Variants in SUPT5H observed in about 807,000 individuals in gnomAD.
The protein encoded by SUPT5H is transcription elongation factor SPT5.
Under a neutral mutation model 142.5 loss-of-function variants are expected in SUPT5H, and 24 were observed. The observed-to-expected ratio is 0.17, with a 90% CI of 0.12 to 0.24. The LOEUF is 0.24. Among genes scored for constraint, SUPT5H ranks in the 10% least tolerant of loss-of-function variants. The pLI is 1.00. For missense variants in SUPT5H, 893 were observed against 1,471.8 expected, an observed-to-expected ratio of 0.61 and a Z score of 6.43; for synonymous variants, 546 against 553.0, an observed-to-expected ratio of 0.99 and a Z score of 0.18.
In SUPT5H at chr19:39,472,508, G is replaced by C. The variant is rs200071749; in HGVS notation, c.2035+15G>C. The C allele has an allele frequency of 8.4e-5, 135 of 1,613,444 alleles. No individual in the cohort carries two copies. The highest frequency in any genetic ancestry group is 1.6e-4 in the Middle Eastern group (1 of 6,080). On this transcript the variant is annotated intron_variant, in intron 21 of 29. Transcript: ENST00000432763. This position sits in a 1 kb window ranked among gnomAD's most constrained non-coding sequence, Gnocchi z 4.2. Reference sequence around the variant, plus strand: ...CAGTGCTGGAGGTGAGAGGGGTTCAGGGTCAGGGGATGTGGTGGGTAGAAG... The same window carrying C: ...CAGTGCTGGAGGTGAGAGGGGTTCACGGTCAGGGGATGTGGTGGGTAGAAG...
At chr19:39,468,968 G>C in intron 14 of SUPT5H, 107 bp downstream of exon 14, 1 of 1,553,678 alleles carries the variant, frequency 6.4e-7, no homozygotes, top group Non-Finnish European at 8.9e-7. Flanking sequence ...CTCAAGTTAG[G>C]AGTGTTCCCT....
At chr19:39,460,398 C>A (rs1300142211) in intron 10 of SUPT5H, among the ~76,000 whole-genome samples, 2 of 152,212 alleles carry the variant, frequency 1.3e-5, no homozygotes, top group Non-Finnish European at 2.9e-5. Flanking sequence ...GATGCACCTA[C>A]TTCCCCTCTC....
chr19:39,458,489 GGGA>G lies in SUPT5H; in HGVS notation c.319+185_319+187del. The G allele has an allele frequency of 9.1e-7, 1 of 1,098,722 alleles. No homozygotes were observed. Among genetic ancestry groups the G allele is most frequent in the Non-Finnish European group, 1.3e-6 (1 of 765,252 alleles). The allele number at this position is 1,098,722 out of a possible 1,614,324, so 68.1% of individuals were successfully genotyped here. A position where few individuals can be genotyped will look rare whatever the true frequency, so the allele number is the denominator to read the frequency against. ...CCAGGTATACCCCAGTTGTTGACCT[GGGA>G]AAGCACGGATGTGTCTGTCTGGGAC... On this transcript the variant is annotated intron_variant, in intron 5 of 29. Coordinates refer to ENST00000432763, the MANE Select transcript of SUPT5H (RefSeq NM_001111020.3). This position sits in a 1 kb window ranked among gnomAD's most constrained non-coding sequence, Gnocchi z 4.2.
At position 39,473,148 on chromosome 19, in the gene SUPT5H, G is replaced by A. The variant is rs761966671; in HGVS notation, c.2258+34G>A. On this transcript the variant is annotated intron_variant, in intron 23 of 29. Coordinates refer to ENST00000432763, the MANE Select transcript of SUPT5H (RefSeq NM_001111020.3). The surrounding 1 kb of genome is among the most constrained non-coding windows in gnomAD (Gnocchi z 5.8). ...GGGGCCTGGGGAGGGCCAGGGTGGGGCTTGCTAGGCAGTGAGAGGGGTCTG... is the reference window on the plus strand; with the variant it reads ...GGGGCCTGGGGAGGGCCAGGGTGGGACTTGCTAGGCAGTGAGAGGGGTCTG... The A allele has an allele frequency of 4.3e-6, 7 of 1,611,088 alleles. No individual in the cohort carries two copies. Among genetic ancestry groups the A allele is most frequent in the South Asian group, 2.2e-5 (2 of 91,072 alleles).
At position 39,473,113 on chromosome 19, in the gene SUPT5H, G is replaced by A. The variant is rs768271888; in HGVS notation, c.2257G>A (p.Val753Met). The A allele has an allele frequency of 1.5e-5, 25 of 1,613,090 alleles. No homozygotes were observed. The highest frequency in any genetic ancestry group is 2.2e-5 in the East Asian group (1 of 44,890). Residue 753 changes from valine (V) to methionine (M), a missense_variant and splice_region_variant, in exon 23 of 30, where the codon GTG becomes ATG. Physicochemically the swap from Val to Met is conservative, Grantham distance 21. Transcript: ENST00000432763. The surrounding 1 kb of genome is among the most constrained non-coding windows in gnomAD (Gnocchi z 5.8). ...ISVDRQRLTT[V>M]GSRRPGGMTS... ...TGTGGACCGTCAGCGGCTCACCACG[G>A]TGTACGGGCGGGGCCTGGGGAGGGC...
At chr19:39,449,646 GGT>G (rs2078996077) in intron 2 of SUPT5H, among the ~76,000 whole-genome samples, 1 of 149,768 alleles carries the variant, frequency 6.7e-6, no homozygotes. Flanking sequence ...AGGTTAGTTT[GGT>G]TTTTTTTTTT....
rs2079121714 is a variant in SUPT5H at position 39,458,554 on chromosome 19, G to A, written c.319+249G>A. 5 of 782,266 alleles carry A rather than the reference G, an allele frequency of 6.4e-6. No homozygotes were observed. Among genetic ancestry groups the A allele is most frequent in the East Asian group, 5.1e-5 (2 of 39,250 alleles). 48.5% of individuals were successfully genotyped at this position (782,266 alleles called of 1,614,324 possible). A position where few individuals can be genotyped will look rare whatever the true frequency, so the allele number is the denominator to read the frequency against. The stretch of plus-strand genomic sequence containing the variant: ...GGGTGGTAGCGATGTGTGGGGTGGG[G>A]TGCAGTCCAGGGTGTGCCTGGACTT... On this transcript the variant is annotated intron_variant, in intron 5 of 29. Coordinates refer to ENST00000432763, the MANE Select transcript of SUPT5H (RefSeq NM_001111020.3). The surrounding 1 kb of genome is among the most constrained non-coding windows in gnomAD (Gnocchi z 4.2).
At chr19:39,454,546 G>A (rs1600700023) in intron 3 of SUPT5H, among the ~76,000 whole-genome samples, 1 of 151,548 alleles carries the variant, frequency 6.6e-6, no homozygotes, top group South Asian at 2.1e-4. Flanking sequence ...GGGTTTCACT[G>A]TGTTAGGATG....
At chr19:39,446,175 A>C (rs1437382214) in intron 2 of SUPT5H, among the ~76,000 whole-genome samples, 1 of 152,148 alleles carries the variant, frequency 6.6e-6, no homozygotes, top group Non-Finnish European at 1.5e-5. Context: ...GTGAGATAAC[A>C]GGTGATGTTT....
At chr19:39,463,111 C>T (rs1404649600) in intron 10 of SUPT5H, among the ~76,000 whole-genome samples, 1 of 151,584 alleles carries the variant, frequency 6.6e-6, no homozygotes, top group Non-Finnish European at 1.5e-5. Context: ...ACCCCTCAGC[C>T]TCCCAAAGTG....
Position 39,473,533 on chromosome 19 carries a change from G to GT in SUPT5H, c.2492+14dup, listed in dbSNP as rs1487597080. ...AACACGCCGTCACGGTGAGTCCAGG[G>GT]TTCCCCAGGTTCTGGTGTGTGCTGG... On this transcript the variant is annotated intron_variant, in intron 25 of 29. Transcript: ENST00000432763. This position sits in a 1 kb window ranked among gnomAD's most constrained non-coding sequence, Gnocchi z 5.8. 6.2e-7 allele frequency: 1 copy of GT among 1,605,314 alleles called. No individual in the cohort carries two copies. Among genetic ancestry groups the GT allele is most frequent in the Non-Finnish European group, 8.5e-7 (1 of 1,178,862 alleles).
rs1227782296 is a variant in SUPT5H at position 39,473,993 on chromosome 19, T to C, written c.2523T>C (p.Asp841=). The C allele has an allele frequency of 2.6e-5, 42 of 1,613,936 alleles. No homozygotes were observed. Among genetic ancestry groups the C allele is most frequent in the Non-Finnish European group, 3.4e-5 (40 of 1,179,964 alleles). The change falls in exon 26 of 30, where the codon GAT becomes GAC. Residue 841 remains aspartate (D), a synonymous_variant. Transcript: ENST00000432763. This position sits in a 1 kb window ranked among gnomAD's most constrained non-coding sequence, Gnocchi z 5.8. ...AGGAAGAATATGAGTATGCTTTCGA[T>C]GATGAGCCCACCCCGTCCCCGCAGG... ...RAEEEYEYAF[D]DEPTPSPQAY... is the part of the protein sequence containing the mutation.
intron 2 of SUPT5H, among the ~76,000 whole-genome samples, chr19:39,449,411 AG>A (rs543157844): frequency 2.0e-5 from 3 of 152,288 alleles, no homozygotes; most frequent in Admixed American, 2.0e-4. Flanking sequence ...ATCGTGGGCT[AG>A]TCGAGATTTG....
In SUPT5H at chr19:39,466,903, G is replaced by T; in HGVS notation, c.1037+158G>T. 1.5e-6 allele frequency: 1 copy of T among 667,260 alleles called. No individual in the cohort carries two copies. Among genetic ancestry groups the T allele is most frequent in the Non-Finnish European group, 2.6e-6 (1 of 382,592 alleles). 41.3% of individuals were successfully genotyped at this position (667,260 alleles called of 1,614,324 possible). The stretch of plus-strand genomic sequence containing the variant: ...CTCAGGCAAGTCACTTCACATCCCT[G>T]TGCCTCAGTTTCTTCTGCTATAAAG... On this transcript the variant is annotated intron_variant, in intron 13 of 29. Transcript: ENST00000432763. This position sits in a 1 kb window ranked among gnomAD's most constrained non-coding sequence, Gnocchi z 4.3.
rs1481436958 is a variant in SUPT5H, at chr19:39,472,427, T to C, written c.1969T>C (p.Phe657Leu). Residue 657 changes from phenylalanine to leucine, a missense_variant, in exon 21 of 30, where the codon TTC becomes CTC. Phe to Leu is a conservative substitution (Grantham distance 22, BLOSUM62 0). This residue lies in a region of SUPT5H where 428 missense variants were observed against 763.5 expected (regional missense o/e 0.56). Coordinates refer to ENST00000432763, the MANE Select transcript of SUPT5H (RefSeq NM_001111020.3). The surrounding 1 kb of genome is among the most constrained non-coding windows in gnomAD (Gnocchi z 4.2). ...ATCCTAGCCCCGTGATGTGACCAAC[T>C]TCACCGTGGGTGGCTTTGCGCCTAT... ...GGSKPRDVTN[F>L]TVGGFAPMSP... The C allele has an allele frequency of 6.2e-7, 1 of 1,614,048 alleles. No homozygotes were observed. Among genetic ancestry groups the C allele is most frequent in the Non-Finnish European group, 8.5e-7 (1 of 1,179,966 alleles).
chr19:39,459,787 C>G (rs1741375720), intron 9 of SUPT5H, 105 bp from the exon 10 acceptor site: 2 of 1,371,184 alleles, frequency 1.5e-6, no homozygotes, highest in Non-Finnish European at 2.1e-6. Flanking sequence ...TTTCTCTCTC[C>G]TCTCTTGGTC....
intron 10 of SUPT5H, among the ~76,000 whole-genome samples, chr19:39,461,342 C>T (rs2079158652): frequency 1.3e-5 from 2 of 151,790 alleles, no homozygotes; most frequent in Admixed American, 6.6e-5. Flanking sequence ...ATAAGTGTCC[C>T]TGCCTGTCAT....
Position 39,469,246 on chromosome 19 carries a change from A to G in SUPT5H, c.1238-16A>G, listed in dbSNP as rs781649049. Reference sequence around the variant, plus strand: ...TGGTGGCAACCCCCGAGTCAGCCCTACGACTGCCCCTGCAGGGAAGGAGCG... The same window carrying G: ...TGGTGGCAACCCCCGAGTCAGCCCTGCGACTGCCCCTGCAGGGAAGGAGCG... On this transcript the variant is annotated splice_polypyrimidine_tract_variant and intron_variant, in intron 15 of 29. Coordinates refer to ENST00000432763, the MANE Select transcript of SUPT5H (RefSeq NM_001111020.3). The surrounding 1 kb of genome is among the most constrained non-coding windows in gnomAD (Gnocchi z 5.1). 1 of 1,614,218 alleles carries G rather than the reference A, an allele frequency of 6.2e-7. No homozygotes were observed. The highest frequency in any genetic ancestry group is 1.1e-5 in the South Asian group (1 of 91,082).
chr19:39,457,066 T>C (rs2079100218), intron 3 of SUPT5H, among the ~76,000 whole-genome samples: 1 of 152,222 alleles, frequency 6.6e-6, no homozygotes, highest in South Asian at 2.1e-4. Context: ...AAGCAGTACA[T>C]CCAACATGGT....
Sources: allele counts gnomAD v4.1 joint callset (sites outside exome capture counted in the v4.1 genomes callset), GRCh38; gene constraint gnomAD v4.1.1; regional missense constraint gnomAD v4.1.1; non-coding constraint Gnocchi (gnomAD v3.1); transcripts MANE v1.5; gene names NCBI Gene and HGNC (gene_info 2026-07-23, HGNC 2026-07-21).